KSR2: variants seen among roughly 807,000 people sequenced by gnomAD.
KSR2 encodes the protein kinase suppressor of ras 2.
Under a neutral mutation model 107.8 loss-of-function variants are expected in KSR2, and 25 were observed. The ratio of observed to expected loss-of-function variants is 0.23; its 90% CI spans 0.17 to 0.32. KSR2 has a LOEUF of 0.32. Among genes scored for constraint, KSR2 ranks in the 10% least tolerant of loss-of-function variants. The pLI, the probability that KSR2 is intolerant of heterozygous loss-of-function variation, is 1.00. For synonymous variants in KSR2, 480 were observed against 507.0 expected (o/e 0.95, Z 0.71); for missense variants, 887 against 1,268.9 (o/e 0.70, Z 4.57).
At chr12:117,582,163 G>T in intron 6 of KSR2, 127 bp downstream of exon 6, 2 of 715,372 alleles carry the variant, frequency 2.8e-6, no homozygotes, top group East Asian at 2.6e-5. Context: ...AGAGGAGAAA[G>T]GGACATGGTG....
chr12:117,828,978 G>A lies in KSR2; in HGVS notation c.472+26450C>T, dbSNP rs192483354. ...TGGGACAGCCAACTGGGTCCAGGTC[G>A]GCCAGCTTCAAAGCTACCTGTGGAT... On this transcript the variant is annotated intron_variant, in intron 3 of 19. Coordinates refer to ENST00000339824, the MANE Select transcript of KSR2 (RefSeq NM_173598.6). 4.7e-4 allele frequency among the ~76,000 whole-genome samples: 72 copies of A among 152,240 alleles called. No homozygotes were observed. In the South Asian group the frequency reaches 6.0e-3, roughly 13 times the overall value.
chr12:117,864,661 C>T (rs1047419335), intron 1 of KSR2, among the ~76,000 whole-genome samples: 1 of 152,180 alleles, frequency 6.6e-6, no homozygotes, highest in Non-Finnish European at 1.5e-5. Flanking sequence ...GAAGGCACTG[C>T]GGAAGGCCCT....
chr12:117,505,913 T>C (rs1873651792), intron 14 of KSR2, among the ~76,000 whole-genome samples: 1 of 152,220 alleles, frequency 6.6e-6, no homozygotes, highest in African/African-American at 2.4e-5. Flanking sequence ...CTCTGAATTC[T>C]CTTCATGCCC....
At chr12:117,693,801 T>G (rs1264161076) in intron 4 of KSR2, among the ~76,000 whole-genome samples, 1 of 152,196 alleles carries the variant, frequency 6.6e-6, no homozygotes, top group Non-Finnish European at 1.5e-5. Flanking sequence ...ACAGATGGTA[T>G]ACCTGCGGCT....
Position 117,905,168 on chromosome 12 carries a change from C to T in KSR2, c.181-44737G>A, listed in dbSNP as rs529026716. 2.0e-5 allele frequency among the ~76,000 whole-genome samples: 3 copies of T among 152,112 alleles called. No individual in the cohort carries two copies. In the South Asian group the frequency reaches 6.2e-4, roughly 32 times the overall value. On this transcript the variant is annotated intron_variant, in intron 1 of 19. Transcript: ENST00000339824. ...CTGCACTCCAGCCTGGGTGACAGAG[C>T]GAGACTCCATCTCAAAAATAACATA...
chr12:117,920,560 A>G (rs913651637), intron 1 of KSR2, among the ~76,000 whole-genome samples: 14 of 152,220 alleles, frequency 9.2e-5, no homozygotes, highest in African/African-American at 3.4e-4. Context: ...TATGTCAGGC[A>G]TTAAACCAGC....
At chr12:117,633,174 AG>A (rs1188305533) in intron 5 of KSR2, among the ~76,000 whole-genome samples, 1 of 152,222 alleles carries the variant, frequency 6.6e-6, no homozygotes, top group African/African-American at 2.4e-5. Context: ...ATGTTACTTA[AG>A]TTACGATGTT....
At chr12:117,899,020 T>C (rs967646274) in intron 1 of KSR2, among the ~76,000 whole-genome samples, 2 of 152,138 alleles carry the variant, frequency 1.3e-5, no homozygotes, top group Non-Finnish European at 1.5e-5. Context: ...CCTCCCTCCA[T>C]AGAATCTTGG....
chr12:117,731,040 C>T (rs1007368172), intron 4 of KSR2, among the ~76,000 whole-genome samples: 6 of 151,000 alleles, frequency 4.0e-5, no homozygotes, highest in South Asian at 2.1e-4. Flanking sequence ...TCTTCCCGGC[C>T]GCCATCCCGT....
intron 7 of KSR2, among the ~76,000 whole-genome samples, chr12:117,573,183 G>A (rs816203): frequency 0.26 from 40,250 of 152,116 alleles, 5,555 homozygotes; most frequent in Middle Eastern, 0.41. Context: ...CATTAAATCG[G>A]AGCAGGAGGG....
chr12:117,556,266 C>T (rs1448142438), intron 8 of KSR2, among the ~76,000 whole-genome samples: 2 of 152,156 alleles, frequency 1.3e-5, no homozygotes, highest in African/African-American at 2.4e-5. Flanking sequence ...AAAGCCATCA[C>T]CTTCCAGCAG....
Position 117,500,886 on chromosome 12 carries a change from G to T in KSR2, c.2220-15195C>A, listed in dbSNP as rs1099693. Among the ~76,000 whole-genome samples, 677 of 152,324 alleles carry T rather than the reference G, an allele frequency of 4.4e-3. 5 individuals carry two copies. Among genetic ancestry groups the T allele is most frequent in the Middle Eastern group, 0.031 (9 of 294 alleles). ...CCTCCCCCTTTTCTGAGAAGGCCTC[G>T]AGCGCTGGGCCACCCCAGAACATGC... is the stretch of plus-strand genomic sequence containing the variant. On this transcript the variant is annotated intron_variant, in intron 14 of 19. Transcript: ENST00000339824.
In KSR2 at chr12:117,530,941, A is replaced by G; in HGVS notation, c.1802T>C (p.Ile601Thr). The G allele has an allele frequency of 1.2e-6, 2 of 1,613,678 alleles. No individual in the cohort carries two copies. Among genetic ancestry groups the G allele is most frequent in the Non-Finnish European group, 1.7e-6 (2 of 1,179,688 alleles). Residue 601 changes from isoleucine (I) to threonine (T), a missense_variant and splice_region_variant, in exon 12 of 20, where the codon ATC (isoleucine) becomes ACC (threonine). Around this residue, in one of 8 missense-constraint regions of KSR2, gnomAD observed 308 missense variants for 506.2 expected, o/e 0.61. Coordinates refer to ENST00000339824, the MANE Select transcript of KSR2 (RefSeq NM_173598.6). ...GGGAAGATGTCTCTGTCTCACTTAC[A>G]TTGGATTCGAGGTCACCGGATGCAG... ...VILHPVTSNP[I>T]LEGNPLLQIE...
chr12:117,711,419 T>C (rs1028953934), intron 4 of KSR2, among the ~76,000 whole-genome samples: 3 of 152,192 alleles, frequency 2.0e-5, no homozygotes, highest in African/African-American at 7.2e-5. Flanking sequence ...GGAAGACCAA[T>C]GTGGCTGAAG....
intron 5 of KSR2, among the ~76,000 whole-genome samples, chr12:117,589,342 AC>A (rs1880185326): frequency 1.3e-5 from 2 of 152,206 alleles, no homozygotes; most frequent in Admixed American, 6.5e-5. Flanking sequence ...AGCACCTATT[AC>A]CCAGTGGGAC....
intron 4 of KSR2, among the ~76,000 whole-genome samples, chr12:117,726,844 CAA>C (rs546642552): frequency 6.6e-6 from 1 of 151,666 alleles, no homozygotes; most frequent in Non-Finnish European, 1.5e-5. Flanking sequence ...ACAACAACAA[CAA>C]AAAAAACTTG....
chr12:117,705,593 A>G (rs1886491911), intron 4 of KSR2, among the ~76,000 whole-genome samples: 1 of 152,182 alleles, frequency 6.6e-6, no homozygotes, highest in Non-Finnish European at 1.5e-5. Context: ...GAACAGCTGA[A>G]TGTGCCTTGC....
intron 4 of KSR2, among the ~76,000 whole-genome samples, chr12:117,739,709 C>T (rs145587126): frequency 6.6e-6 from 1 of 152,090 alleles, no homozygotes; most frequent in Non-Finnish European, 1.5e-5. Flanking sequence ...GTGGCAAAGA[C>T]AGTCTAGGGA....
chr12:117,575,823 A>G (rs560822153), intron 7 of KSR2, among the ~76,000 whole-genome samples: 2 of 152,234 alleles, frequency 1.3e-5, no homozygotes, highest in South Asian at 4.1e-4. Context: ...AAACATTGCC[A>G]TCTGGAGCAT....
Sources: allele counts gnomAD v4.1 joint callset (sites outside exome capture counted in the v4.1 genomes callset), GRCh38; gene constraint gnomAD v4.1.1; regional missense constraint gnomAD v4.1.1; transcripts MANE v1.5; gene names NCBI Gene and HGNC (gene_info 2026-07-23, HGNC 2026-07-21).